TSPAN5: variants seen among roughly 807,000 people sequenced by gnomAD.
TSPAN5 encodes tetraspanin-5.
A neutral mutation model predicts 37.1 loss-of-function variants in TSPAN5; 10 were observed. The observed-to-expected ratio is 0.27, with a 90% CI of 0.17 to 0.46. The LOEUF is 0.46. TSPAN5 is among the 20% of genes least tolerant of loss of function. The pLI is 1.00. For synonymous variants in TSPAN5, 110 were observed against 118.9 expected (o/e 0.93, Z 0.48); for missense variants, 195 against 326.6 (o/e 0.60, Z 3.11).
At chr4:98,486,648 A>G (rs2110264173) in intron 3 of TSPAN5, 90 bp downstream of exon 3, 1 of 1,494,550 alleles carries the variant, frequency 6.7e-7, no homozygotes, top group East Asian at 2.3e-5. Flanking sequence ...CCTTTGGTAC[A>G]GCTCACTGTC....
At chr4:98,641,615 G>A (rs1756963372) in intron 1 of TSPAN5, among the ~76,000 whole-genome samples, 1 of 152,230 alleles carries the variant, frequency 6.6e-6, no homozygotes, top group African/African-American at 2.4e-5. Flanking sequence ...TACAGTCAAA[G>A]TGCTGGGACT....
chr4:98,491,119 A>T (rs1359360626), intron 2 of TSPAN5, among the ~76,000 whole-genome samples: 1 of 152,220 alleles, frequency 6.6e-6, no homozygotes, highest in Non-Finnish European at 1.5e-5. Context: ...GCGTGTATAT[A>T]TAAATAGTGG....
At chr4:98,475,426 C>T (rs1752670078) in intron 7 of TSPAN5, among the ~76,000 whole-genome samples, 2 of 152,192 alleles carry the variant, frequency 1.3e-5, no homozygotes, top group Admixed American at 6.5e-5. Flanking sequence ...TGGGTGCTCC[C>T]TTCCTTCACT....
intron 4 of TSPAN5, among the ~76,000 whole-genome samples, chr4:98,479,619 C>CCCT: frequency 6.6e-6 from 1 of 152,246 alleles, no homozygotes; most frequent in African/African-American, 2.4e-5. Flanking sequence ...GCTATAAATG[C>CCCT]CCTCATCTTG....
At chr4:98,632,579 C>A (rs1044731338) in intron 1 of TSPAN5, among the ~76,000 whole-genome samples, 1 of 152,164 alleles carries the variant, frequency 6.6e-6, no homozygotes, top group Admixed American at 6.5e-5. Flanking sequence ...TTCGAAAACC[C>A]TGCCCTGAGT....
intron 1 of TSPAN5, among the ~76,000 whole-genome samples, chr4:98,625,054 CAAT>C (rs1438159746): frequency 6.6e-6 from 1 of 152,018 alleles, no homozygotes; most frequent in Non-Finnish European, 1.5e-5. Context: ...ATAACAACAA[CAAT>C]AATAGGAAAG....
At chr4:98,507,572 C>G (rs1753506447) in intron 2 of TSPAN5, 106 bp downstream of exon 2, 2 of 729,584 alleles carry the variant, frequency 2.7e-6, no homozygotes, top group Middle Eastern at 2.5e-4. Flanking sequence ...TGTTAAAGAG[C>G]CATGTTTATA....
chr4:98,546,348 C>A (rs1022199893), intron 1 of TSPAN5, among the ~76,000 whole-genome samples: 1 of 152,150 alleles, frequency 6.6e-6, no homozygotes, highest in African/African-American at 2.4e-5. Context: ...CTGAGCCATC[C>A]CTCAACACAG....
chr4:98,634,644 T>A (rs1441846886), intron 1 of TSPAN5, among the ~76,000 whole-genome samples: 2 of 152,174 alleles, frequency 1.3e-5, no homozygotes, highest in African/African-American at 4.8e-5. Flanking sequence ...TACCACCTCC[T>A]TTTCTTGAAA....
chr4:98,497,793 G>A (rs1319514649), intron 2 of TSPAN5, among the ~76,000 whole-genome samples: 1 of 152,208 alleles, frequency 6.6e-6, no homozygotes, highest in Non-Finnish European at 1.5e-5. Context: ...AGTGCATGGA[G>A]CAGAGGCACA....
chr4:98,611,373 A>C (rs1304251317), intron 1 of TSPAN5, among the ~76,000 whole-genome samples: 3 of 152,222 alleles, frequency 2.0e-5, no homozygotes, highest in Non-Finnish European at 4.4e-5. Flanking sequence ...CTATTAAAGC[A>C]CAAATGCATT....
At chr4:98,572,190 C>T (rs1755139192) in intron 1 of TSPAN5, among the ~76,000 whole-genome samples, 1 of 151,964 alleles carries the variant, frequency 6.6e-6, no homozygotes, top group Admixed American at 6.6e-5. Context: ...AGGCTAGTCT[C>T]GAACTCCTGA....
At chr4:98,486,518 T>C (rs1003897125) in intron 3 of TSPAN5, 3 of 536,698 alleles carry the variant, frequency 5.6e-6, no homozygotes, top group East Asian at 6.4e-5. Flanking sequence ...AAAACCTCCA[T>C]GGATGGCATG....
At chr4:98,501,252 G>T (rs904676818) in intron 2 of TSPAN5, among the ~76,000 whole-genome samples, 2 of 152,066 alleles carry the variant, frequency 1.3e-5, no homozygotes, top group Admixed American at 6.5e-5. Flanking sequence ...GAAACCACAC[G>T]TATTTACCTC....
At chr4:98,634,100 G>GA (rs11340887) in intron 1 of TSPAN5, among the ~76,000 whole-genome samples, 9 of 150,542 alleles carry the variant, frequency 6.0e-5, no homozygotes, top group African/African-American at 1.2e-4. Flanking sequence ...GGAAAGAAAA[G>GA]AAAAAAAAAG....
chr4:98,557,214 C>T (rs1754770578), intron 1 of TSPAN5, among the ~76,000 whole-genome samples: 1 of 152,144 alleles, frequency 6.6e-6, no homozygotes, highest in Non-Finnish European at 1.5e-5. Context: ...ACAGAATACA[C>T]ACTGTATAGT....
chr4:98,544,243 C>T (rs1225613739), intron 1 of TSPAN5, among the ~76,000 whole-genome samples: 1 of 152,160 alleles, frequency 6.6e-6, no homozygotes, highest in African/African-American at 2.4e-5. Flanking sequence ...AATTAGCAAG[C>T]TAAACATATC....
At chr4:98,483,537 A>T (rs1203382584) in intron 3 of TSPAN5, 1 of 152,100 alleles carries the variant, frequency 6.6e-6, no homozygotes, top group Non-Finnish European at 1.5e-5. Flanking sequence ...GTGATTAGGG[A>T]GGCTAGGCAG....
rs539456717 is a variant in TSPAN5, at chr4:98,563,892, T to C, written c.82-56164A>G. 3.3e-5 allele frequency among the ~76,000 whole-genome samples: 5 copies of C among 152,284 alleles called. No individual in the cohort carries two copies. The South Asian group carries it at 1.0e-3, about 32-fold the overall frequency. The stretch of plus-strand genomic sequence containing the variant: ...AGTGGGTAGAGGTTGGGGAAGTCTC[T>C]AGATGTTCTATAATATACAAGACAG... On this transcript the variant is annotated intron_variant, in intron 1 of 7. Coordinates refer to ENST00000305798, the MANE Select transcript of TSPAN5 (RefSeq NM_005723.4).
Sources: allele counts gnomAD v4.1 joint callset (sites outside exome capture counted in the v4.1 genomes callset), GRCh38; gene constraint gnomAD v4.1.1; transcripts MANE v1.5; gene names NCBI Gene and HGNC (gene_info 2026-07-23, HGNC 2026-07-21).